ZFP36L2: variants seen among roughly 807,000 people sequenced by gnomAD.
ZFP36L2 encodes mRNA decay activator protein ZFP36L2.
A neutral mutation model predicts 27.9 loss-of-function variants in ZFP36L2; 16 were observed. The observed-to-expected ratio is 0.57, with a 90% CI of 0.39 to 0.87. The LOEUF is 0.87. ZFP36L2 is among the 40% of genes least tolerant of loss of function. The probability of loss-of-function intolerance (pLI) is 0.00; values close to 1 mark genes in which losing one functional copy is unlikely to be tolerated. For missense variants in ZFP36L2, 989 were observed against 726.9 expected (o/e 1.36, Z -4.15); for synonymous variants, 600 against 363.8 (o/e 1.65, Z -7.39).
At position 43,225,561 on chromosome 2, in the gene ZFP36L2, G is replaced by C. The variant is rs1019164175; in HGVS notation, c.243C>G (p.Ala81=). ...PGSCSPKFPG[A]ANGSSCGSAA... is the part of the protein sequence containing the mutation. ...CGCTGCCGCAGCTGCTGCCGTTAGC[G>C]GCGCCCGGGAACTTGGGCGAGCAGC... The change falls in exon 2 of 2, where the codon GCC becomes GCG. Residue 81 remains alanine (A), a synonymous_variant. Coordinates refer to ENST00000282388, the MANE Select transcript of ZFP36L2 (RefSeq NM_006887.5). The C allele has an allele frequency of 1.9e-6, 3 of 1,571,870 alleles. No individual in the cohort carries two copies. Among genetic ancestry groups the C allele is most frequent in the Admixed American group, 1.8e-5 (1 of 54,964 alleles).
Position 43,224,333 on chromosome 2 carries a change from T to TG in ZFP36L2, c.1470dup (p.Ile491HisfsTer40). ...GCCCTCTTGCCTCAGTCGTCGGAGA[T>TG]GGAGAGGCGGCTGAAGATTGGCAGG... is the stretch of plus-strand genomic sequence containing the variant. On this transcript the variant is annotated frameshift_variant, in exon 2 of 2. Coordinates refer to ENST00000282388, the MANE Select transcript of ZFP36L2 (RefSeq NM_006887.5). LOFTEE classifies it high-confidence loss of function. The TG allele has an allele frequency of 2.5e-6, 4 of 1,578,468 alleles. No individual in the cohort carries two copies.
In ZFP36L2 at chr2:43,223,346, TA is replaced by T. The variant is rs1352595595; in HGVS notation, c.*972del. 6.6e-6 allele frequency: 1 copy of T among 152,250 alleles called. No homozygotes were observed. The highest frequency in any genetic ancestry group is 2.4e-5 in the African/African-American group (1 of 41,398). The allele number at this position is 152,250 out of a possible 1,614,324, so 9.4% of individuals were successfully genotyped here. A position where few individuals can be genotyped will look rare whatever the true frequency, so the allele number is the denominator to read the frequency against. ...AACATACACTCCACATTTTGCCGAT[TA>T]ATAATGGCAATCATAATTTAACATA... On this transcript the variant is annotated 3_prime_UTR_variant, in exon 2 of 2. Transcript: ENST00000282388.
At position 43,223,379 on chromosome 2, in the gene ZFP36L2, G is replaced by T. The variant is rs536884002; in HGVS notation, c.*940C>A. 1 of 152,128 alleles carries T rather than the reference G, an allele frequency of 6.6e-6. No homozygotes were observed. Among genetic ancestry groups the T allele is most frequent in the African/African-American group, 2.4e-5 (1 of 41,492 alleles). 9.4% of individuals were successfully genotyped at this position (152,128 alleles called of 1,614,324 possible). On this transcript the variant is annotated 3_prime_UTR_variant, in exon 2 of 2. Coordinates refer to ENST00000282388, the MANE Select transcript of ZFP36L2 (RefSeq NM_006887.5). ...GCAATCATAATTTAACATAATAAAA[G>T]AATATATATCTATTGCTTTTCATCA... is the stretch of plus-strand genomic sequence containing the variant.
rs905505909 is a variant in ZFP36L2, at chr2:43,224,248, C to G, written c.*71G>C. ...CCCACTCCCGTGCCCCCAGCAAGGG[C>G]GAGATGGCGAGGGGTGTCCTCCAAC... On this transcript the variant is annotated 3_prime_UTR_variant, in exon 2 of 2. Transcript: ENST00000282388. The G allele has an allele frequency of 9.8e-6, 14 of 1,421,890 alleles. No homozygotes were observed. Among genetic ancestry groups the G allele is most frequent in the Non-Finnish European group, 1.3e-5 (14 of 1,082,292 alleles). 88.1% of individuals were successfully genotyped at this position (1,421,890 alleles called of 1,614,324 possible). A position where few individuals can be genotyped will look rare whatever the true frequency, so the allele number is the denominator to read the frequency against.
Position 43,224,689 on chromosome 2 carries a change from A to G in ZFP36L2, c.1115T>C (p.Leu372Pro). The G allele has an allele frequency of 6.5e-7, 1 of 1,540,182 alleles. No homozygotes were observed. Among genetic ancestry groups the G allele is most frequent in the South Asian group, 1.2e-5 (1 of 85,202 alleles). The change falls in exon 2 of 2, where the codon CTC (leucine) becomes CCC (proline). Residue 372 changes from leucine (L) to proline (P), a missense_variant. Coordinates refer to ENST00000282388, the MANE Select transcript of ZFP36L2 (RefSeq NM_006887.5). ...GGTCTGGATGGCGAGCGGCGTGATG[A>G]GGCTGCTGAGCTCCGGACCGAAGGC... ...AFAFGPELSS[L>P]ITPLAIQTHN...
In ZFP36L2 at chr2:43,226,562, G is replaced by GCC. The variant is rs569150027; in HGVS notation, c.-249_-248dup. ...CTCCGCGCCCCGGGGTGCCCGGCCCGCCCCCCCCGCGGAGCCGACGGCAGC... is the reference window on the plus strand; with the variant it reads ...CTCCGCGCCCCGGGGTGCCCGGCCCGCCCCCCCCCCGCGGAGCCGACGGCAGC... On this transcript the variant is annotated 5_prime_UTR_variant, in exon 1 of 2. Coordinates refer to ENST00000282388, the MANE Select transcript of ZFP36L2 (RefSeq NM_006887.5). The GCC allele has an allele frequency of 3.8e-5, 18 of 478,274 alleles. No homozygotes were observed. Among genetic ancestry groups the GCC allele is most frequent in the South Asian group, 5.5e-5 (2 of 36,532 alleles). The allele number at this position is 478,274 out of a possible 1,614,324, so 29.6% of individuals were successfully genotyped here. A position where few individuals can be genotyped will look rare whatever the true frequency, so the allele number is the denominator to read the frequency against.
Position 43,225,060 on chromosome 2 carries a change from C to T in ZFP36L2, c.744G>A (p.Arg248=). The change falls in exon 2 of 2, where the codon CGG becomes CGA. Residue 248 remains arginine (R), a synonymous_variant. Transcript: ENST00000282388. The part of the protein sequence containing the change: ...TRDALHLGFP[R]EPRPKLHHSL... ...TGTGGTGCAACTTGGGCCGCGGCTC[C>T]CGCGGGAAGCCCAGGTGCAACGCAT... 6 of 1,594,754 alleles carry T rather than the reference C, an allele frequency of 3.8e-6. No homozygotes were observed. Among genetic ancestry groups the T allele is most frequent in the Non-Finnish European group, 4.2e-6 (5 of 1,177,946 alleles).
rs1002245169 is a variant in ZFP36L2 at position 43,224,544 on chromosome 2, CCCGGCGGGGAGGGTCGCGCTGGGCGGCG to C, written c.1232_1259del (p.Ala411GlyfsTer41). The C allele has an allele frequency of 2.1e-6, 3 of 1,438,924 alleles. No homozygotes were observed. Among genetic ancestry groups the C allele is most frequent in the African/African-American group, 1.5e-5 (1 of 67,574 alleles). 89.1% of individuals were successfully genotyped at this position (1,438,924 alleles called of 1,614,324 possible). ...AGGGCGGCGAGGGAGGTGCGGCGGC[CCCGGCGGGGAGGGTCGCGCTGGGCGGCG>C]CCGGCGGCTGCGCGGGGGGCGCCAG... On this transcript the variant is annotated frameshift_variant, in exon 2 of 2. Transcript: ENST00000282388. LOFTEE classifies it high-confidence loss of function.
Position 43,223,011 on chromosome 2 carries a change from A to C in ZFP36L2, c.*1308T>G, listed in dbSNP as rs1558426857. 2.0e-5 allele frequency: 3 copies of C among 152,328 alleles called. No individual in the cohort carries two copies. Among genetic ancestry groups the C allele is most frequent in the Admixed American group, 2.0e-4 (3 of 15,282 alleles). 9.4% of individuals were successfully genotyped at this position (152,328 alleles called of 1,614,324 possible). On this transcript the variant is annotated 3_prime_UTR_variant, in exon 2 of 2. Coordinates refer to ENST00000282388, the MANE Select transcript of ZFP36L2 (RefSeq NM_006887.5). ...CAAACACTTTTTTGCTAGTTTATAA[A>C]GTTGGAATTAGAAAAGCATGCCACA...
Position 43,224,617 on chromosome 2 carries a change from T to C in ZFP36L2, c.1187A>G (p.Gln396Arg). The change falls in exon 2 of 2, where the codon CAG becomes CGG. Residue 396 changes from glutamine (Q) to arginine (R), a missense_variant. Coordinates refer to ENST00000282388, the MANE Select transcript of ZFP36L2 (RefSeq NM_006887.5). The stretch of plus-strand genomic sequence containing the variant: ...CGCCAGGCCCTGCTGCTGCTGCTGC[T>C]GCTGACTGCGGTAGTAGGCGGCGGC... ...VAAAAYYRSQ[Q>R]QQQQQGLAPP... 1 of 1,466,334 alleles carries C rather than the reference T, an allele frequency of 6.8e-7. No individual in the cohort carries two copies. The highest frequency in any genetic ancestry group is 9.0e-7 in the Non-Finnish European group (1 of 1,110,932). 90.8% of individuals were successfully genotyped at this position (1,466,334 alleles called of 1,614,324 possible). A position where few individuals can be genotyped will look rare whatever the true frequency, so the allele number is the denominator to read the frequency against.
chr2:43,226,145 C>G (rs1461874123), intron 1 of ZFP36L2, 120 bp downstream of exon 1: 17 of 1,419,502 alleles, frequency 1.2e-5, no homozygotes, highest in Non-Finnish European at 1.6e-5. Flanking sequence ...CTTTTGCAAA[C>G]CCCGGGACTT....
In ZFP36L2 at chr2:43,224,261, G is replaced by T; in HGVS notation, c.*58C>A. 1.4e-6 allele frequency: 2 copies of T among 1,455,994 alleles called. 1 individual carries two copies. The highest frequency in any genetic ancestry group is 1.8e-6 in the Non-Finnish European group (2 of 1,102,900). 90.2% of individuals were successfully genotyped at this position (1,455,994 alleles called of 1,614,324 possible). On this transcript the variant is annotated 3_prime_UTR_variant, in exon 2 of 2. Transcript: ENST00000282388. ...CCCCAGCAAGGGCGAGATGGCGAGGGGTGTCCTCCAACATCTCTGAACCGC... is the reference window on the plus strand; with the variant it reads ...CCCCAGCAAGGGCGAGATGGCGAGGTGTGTCCTCCAACATCTCTGAACCGC...
Position 43,226,479 on chromosome 2 carries a change from C to A in ZFP36L2, c.-164G>T, listed in dbSNP as rs1302954423. 4.7e-6 allele frequency: 4 copies of A among 852,036 alleles called. No homozygotes were observed. Among genetic ancestry groups the A allele is most frequent in the African/African-American group, 1.8e-5 (1 of 55,710 alleles). 52.8% of individuals were successfully genotyped at this position (852,036 alleles called of 1,614,324 possible). A position where few individuals can be genotyped will look rare whatever the true frequency, so the allele number is the denominator to read the frequency against. On this transcript the variant is annotated 5_prime_UTR_variant, in exon 1 of 2. Transcript: ENST00000282388. ...GAGAGGGCGAGTGCAGCGGCGCGGG[C>A]CGGCGGGAGGGTCCGGCGGAGTGCG...
rs1481530109 is a variant in ZFP36L2 at position 43,223,009 on chromosome 2, A to G, written c.*1310T>C. 1 of 152,324 alleles carries G rather than the reference A, an allele frequency of 6.6e-6. No individual in the cohort carries two copies. The highest frequency in any genetic ancestry group is 1.5e-5 in the Non-Finnish European group (1 of 68,038). The allele number at this position is 152,324 out of a possible 1,614,324, so 9.4% of individuals were successfully genotyped here. On this transcript the variant is annotated 3_prime_UTR_variant, in exon 2 of 2. Transcript: ENST00000282388. ...AGCAAACACTTTTTTGCTAGTTTATAAAGTTGGAATTAGAAAAGCATGCCA... is the reference window on the plus strand; with the variant it reads ...AGCAAACACTTTTTTGCTAGTTTATGAAGTTGGAATTAGAAAAGCATGCCA...
In ZFP36L2 at chr2:43,226,279, C is replaced by T. The variant is rs1220048796; in HGVS notation, c.37G>A (p.Asp13Asn). 2 of 1,587,170 alleles carry T rather than the reference C, an allele frequency of 1.3e-6. No homozygotes were observed. The highest frequency in any genetic ancestry group is 1.7e-6 in the Non-Finnish European group (2 of 1,165,916). Residue 13 changes from aspartate to asparagine, a missense_variant, in exon 1 of 2, where the codon GAC (aspartate) becomes AAC (asparagine). Physicochemically the swap from Asp to Asn is conservative, Grantham distance 23. Transcript: ENST00000282388. Reference sequence around the variant, plus strand: ...CCCTGGCCTACCTTGCACAAGAAGTCGACATCGTAGAAGGCGGACAGAAGT... The same window carrying T: ...CCCTGGCCTACCTTGCACAAGAAGTTGACATCGTAGAAGGCGGACAGAAGT... ...TTLLSAFYDV[D>N]FLCKTEKSLA...
In ZFP36L2 at chr2:43,224,368, G is replaced by A; in HGVS notation, c.1436C>T (p.Pro479Leu). ...LSGSESPSLD[P>L]GRRLPIFSRL... is the part of the protein sequence containing the mutation. ...GCTGAAGATTGGCAGGCGGCGGCCAGGGTCGAGGCTGGGAGACTCAGAGCC... is the reference window on the plus strand; with the variant it reads ...GCTGAAGATTGGCAGGCGGCGGCCAAGGTCGAGGCTGGGAGACTCAGAGCC... The change falls in exon 2 of 2, where the codon CCT (proline) becomes CTT (leucine). Residue 479 changes from proline (P) to leucine (L), a missense_variant. Pro to Leu is a moderately conservative substitution (Grantham distance 98, BLOSUM62 -3). Transcript: ENST00000282388. 1.3e-6 allele frequency: 2 copies of A among 1,560,750 alleles called. No homozygotes were observed. Among genetic ancestry groups the A allele is most frequent in the Non-Finnish European group, 1.7e-6 (2 of 1,159,358 alleles).
rs553149293 is a variant in ZFP36L2 at position 43,223,765 on chromosome 2, A to G, written c.*554T>C. 4 of 82,450 alleles carry G rather than the reference A, an allele frequency of 4.9e-5. No individual in the cohort carries two copies. In the South Asian group the frequency reaches 1.5e-3, roughly 30 times the overall value. 5.1% of individuals were successfully genotyped at this position (82,450 alleles called of 1,614,324 possible). A position where few individuals can be genotyped will look rare whatever the true frequency, so the allele number is the denominator to read the frequency against. On this transcript the variant is annotated 3_prime_UTR_variant, in exon 2 of 2. Coordinates refer to ENST00000282388, the MANE Select transcript of ZFP36L2 (RefSeq NM_006887.5). ...TATCAAGGCATATTCTTGGCAGAAT[A>G]TATTGGATTTTAAAAAGCTTATAGG...
At position 43,225,311 on chromosome 2, in the gene ZFP36L2, T is replaced by C. The variant is rs1261170219; in HGVS notation, c.493A>G (p.Ser165Gly). Residue 165 changes from serine to glycine, a missense_variant, in exon 2 of 2, where the codon AGC becomes GGC. Ser to Gly is a moderately conservative substitution (Grantham distance 56, BLOSUM62 0). Transcript: ENST00000282388. ...KTELCRPFEE[S>G]GTCKYGEKCQ... ...TTTTCGCCGTACTTGCACGTGCCGC[T>C]CTCCTCGAAGGGCCGGCACAGCTCG... The C allele has an allele frequency of 6.2e-7, 1 of 1,612,900 alleles. No homozygotes were observed. The highest frequency in any genetic ancestry group is 8.5e-7 in the Non-Finnish European group (1 of 1,179,942).
At chr2:43,226,108 T>C (rs1270101891) in intron 1 of ZFP36L2, among the ~76,000 whole-genome samples, 157 bp downstream of exon 1, 1 of 151,946 alleles carries the variant, frequency 6.6e-6, no homozygotes, top group Admixed American at 6.5e-5. Context: ...CTTGCCGCCC[T>C]CCCCGCCTCC....
Sources: gnomAD v4.1 joint callset for allele counts (sites outside exome capture counted in the v4.1 genomes callset) on GRCh38, gnomAD v4.1.1 for gene constraint, MANE v1.5 for transcripts, NCBI Gene and HGNC (gene_info 2026-07-23, HGNC 2026-07-21) for gene names.